Variants in RIT2 observed in about 807,000 individuals in gnomAD.
The protein encoded by RIT2 is GTP-binding protein Rit2.
Under a neutral mutation model 23.7 loss-of-function variants are expected in RIT2, and 24 were observed. That is an observed-to-expected ratio of 1.01 (90% CI 0.73 to 1.43). The LOEUF is 1.43. RIT2 is among the 40% of genes most tolerant of loss of function. RIT2 has a pLI of 0.00. For missense variants in RIT2, 236 were observed against 266.9 expected (o/e 0.88, Z 0.81); for synonymous variants, 107 against 91.1 (o/e 1.17, Z -0.99).
At chr18:43,076,586 C>T (rs1329552317) in intron 1 of RIT2, among the ~76,000 whole-genome samples, 1 of 151,896 alleles carries the variant, frequency 6.6e-6, no homozygotes. Flanking sequence ...AAAGTAATAC[C>T]TAAAAACTGT....
At chr18:42,958,234 T>C (rs925322529) in intron 3 of RIT2, among the ~76,000 whole-genome samples, 1 of 152,220 alleles carries the variant, frequency 6.6e-6, no homozygotes, top group African/African-American at 2.4e-5. Flanking sequence ...TGTTTTAAAA[T>C]GTAATTTTGC....
chr18:43,059,753 G>T (rs1416287961), intron 1 of RIT2, among the ~76,000 whole-genome samples: 1 of 150,838 alleles, frequency 6.6e-6, no homozygotes, highest in Non-Finnish European at 1.5e-5. Flanking sequence ...TGACTTTCTT[G>T]TGGGGATGAG....
At chr18:42,846,681 A>G (rs780325952) in intron 4 of RIT2, among the ~76,000 whole-genome samples, 1 of 152,136 alleles carries the variant, frequency 6.6e-6, no homozygotes, top group Admixed American at 6.6e-5. Flanking sequence ...AAGAAGGAAG[A>G]AAAAGTAAAC....
At chr18:42,746,465 A>G (rs1348928814) in intron 4 of RIT2, among the ~76,000 whole-genome samples, 1 of 152,128 alleles carries the variant, frequency 6.6e-6, no homozygotes, top group Non-Finnish European at 1.5e-5. Flanking sequence ...TATAGTTTAA[A>G]TATCAAAGTA....
chr18:42,783,185 C>G (rs2143935294), intron 4 of RIT2, among the ~76,000 whole-genome samples: 1 of 152,124 alleles, frequency 6.6e-6, no homozygotes, highest in Non-Finnish European at 1.5e-5. Context: ...GTGTGTATAT[C>G]ACTCAAAATA....
At chr18:42,831,651 A>G (rs563935099) in intron 4 of RIT2, among the ~76,000 whole-genome samples, 1 of 152,302 alleles carries the variant, frequency 6.6e-6, no homozygotes, top group South Asian at 2.1e-4. Context: ...TGGAGGCAGG[A>G]AGAACTGTAA....
chr18:43,032,512 G>C (rs1432893438), intron 2 of RIT2, among the ~76,000 whole-genome samples: 1 of 152,050 alleles, frequency 6.6e-6, no homozygotes, highest in East Asian at 1.9e-4. Context: ...GTAACTTACA[G>C]TGTGTGGTAC....
chr18:42,853,399 G>A lies in RIT2; in HGVS notation c.426+70173C>T, dbSNP rs769529080. On this transcript the variant is annotated intron_variant, in intron 4 of 4. Transcript: ENST00000326695. ...GGTCATTGGCATAAACTCAGACTACGTTGAAACATAGCAACTGAATCCATC... is the reference window on the plus strand; with the variant it reads ...GGTCATTGGCATAAACTCAGACTACATTGAAACATAGCAACTGAATCCATC... 3.9e-5 allele frequency among the ~76,000 whole-genome samples: 6 copies of A among 152,252 alleles called. No individual in the cohort carries two copies. The East Asian group carries it at 5.8e-4, about 15-fold the overall frequency.
intron 2 of RIT2, among the ~76,000 whole-genome samples, chr18:43,029,150 T>A (rs540321666): frequency 6.6e-6 from 1 of 152,044 alleles, no homozygotes; most frequent in Non-Finnish European, 1.5e-5. Flanking sequence ...TATTCTTTTT[T>A]TGTAGAACTT....
chr18:42,918,437 T>C (rs542993262), intron 4 of RIT2, among the ~76,000 whole-genome samples: 1 of 152,250 alleles, frequency 6.6e-6, no homozygotes, highest in South Asian at 2.1e-4. Context: ...AATTAATTGT[T>C]AATTGAATTT....
intron 2 of RIT2, among the ~76,000 whole-genome samples, chr18:42,990,664 A>G (rs917668624): frequency 6.6e-6 from 1 of 152,360 alleles, no homozygotes; most frequent in Middle Eastern, 3.4e-3. Context: ...TGACAGGTAC[A>G]TAATAAGTGG....
intron 4 of RIT2, among the ~76,000 whole-genome samples, chr18:42,769,988 C>G (rs1913512178): frequency 6.6e-6 from 1 of 151,804 alleles, no homozygotes; most frequent in Non-Finnish European, 1.5e-5. Flanking sequence ...TCAGTTTCTA[C>G]AGATCCAAGA....
At chr18:43,097,286 A>G (rs925976117) in intron 1 of RIT2, among the ~76,000 whole-genome samples, 2 of 151,922 alleles carry the variant, frequency 1.3e-5, no homozygotes, top group Non-Finnish European at 2.9e-5. Flanking sequence ...AAGTACTGGC[A>G]TAGAGTATAG....
chr18:43,071,585 A>G (rs968568096), intron 1 of RIT2, among the ~76,000 whole-genome samples: 4 of 152,168 alleles, frequency 2.6e-5, no homozygotes, highest in African/African-American at 9.7e-5. Flanking sequence ...AATCATCTTC[A>G]GGTTGTACAG....
At chr18:43,101,088 C>T (rs1035406080) in intron 1 of RIT2, among the ~76,000 whole-genome samples, 5 of 151,818 alleles carry the variant, frequency 3.3e-5, no homozygotes, top group South Asian at 4.2e-4. Context: ...AATTCTAACA[C>T]GATTCACTTA....
intron 4 of RIT2, among the ~76,000 whole-genome samples, chr18:42,765,253 A>G (rs1481091920): frequency 1.3e-5 from 2 of 152,254 alleles, no homozygotes; most frequent in Admixed American, 6.5e-5. Context: ...CTATATGTAG[A>G]GAGAATAATG....
At chr18:42,823,984 G>A (rs1172915120) in intron 4 of RIT2, among the ~76,000 whole-genome samples, 1 of 151,938 alleles carries the variant, frequency 6.6e-6, no homozygotes, top group Non-Finnish European at 1.5e-5. Flanking sequence ...CGTTTAAGTC[G>A]TCATCTTTTC....
chr18:42,756,430 T>C (rs1598641502), intron 4 of RIT2, among the ~76,000 whole-genome samples: 1 of 152,154 alleles, frequency 6.6e-6, no homozygotes, highest in East Asian at 1.9e-4. Context: ...GTGCTTTTCA[T>C]CCCAGAAGCT....
At chr18:43,077,653 T>C (rs745417438) in intron 1 of RIT2, among the ~76,000 whole-genome samples, 7 of 152,294 alleles carry the variant, frequency 4.6e-5, no homozygotes, top group Non-Finnish European at 8.8e-5. Flanking sequence ...CAAATTCAAA[T>C]TGTAACATGA....
Sources: allele counts gnomAD v4.1 joint callset (sites outside exome capture counted in the v4.1 genomes callset), GRCh38; gene constraint gnomAD v4.1.1; transcripts MANE v1.5; gene names NCBI Gene and HGNC (gene_info 2026-07-23, HGNC 2026-07-21).